The following CACNA2D3 variants were observed in gnomAD, a reference collection of about 807,000 sequenced individuals.
The protein encoded by CACNA2D3 is calcium voltage-gated channel auxiliary subunit alpha2delta 3, also known as voltage-dependent calcium channel subunit alpha-2/delta-3.
In CACNA2D3, 60 loss-of-function variants were observed where a neutral mutation model predicts 160.6. That is an observed-to-expected ratio of 0.37 (90% CI 0.30 to 0.46). CACNA2D3 has a LOEUF of 0.46. Among genes scored for constraint, CACNA2D3 ranks in the 20% least tolerant of loss-of-function variants. The pLI, the probability that CACNA2D3 is intolerant of heterozygous loss-of-function variation, is 1.00. For missense variants in CACNA2D3, 1,205 were observed against 1,365.0 expected (o/e 0.88, Z 1.85); for synonymous variants, 558 against 492.9 (o/e 1.13, Z -1.75).
intron 2 of CACNA2D3, among the ~76,000 whole-genome samples, chr3:54,163,267 G>A (rs1424773432): frequency 6.6e-6 from 1 of 152,130 alleles, no homozygotes; most frequent in Non-Finnish European, 1.5e-5. Flanking sequence ...AGCTAATTGT[G>A]GTAAGTACTG....
At chr3:54,627,733 G>T in intron 9 of CACNA2D3, 54 bp from the exon 10 acceptor site, 1 of 1,035,540 alleles carries the variant, frequency 9.7e-7, no homozygotes, top group Non-Finnish European at 1.5e-6. Flanking sequence ...ATTCAAGGTT[G>T]GTGTTTCACA....
intron 16 of CACNA2D3, among the ~76,000 whole-genome samples, chr3:54,843,111 G>A (rs1317249054): frequency 6.6e-5 from 10 of 150,556 alleles, no homozygotes; most frequent in Non-Finnish European, 1.0e-4. Context: ...ACAGGTGCCC[G>A]CCACCATGCC....
At chr3:54,181,229 A>T (rs1010895416) in intron 2 of CACNA2D3, among the ~76,000 whole-genome samples, 1 of 152,232 alleles carries the variant, frequency 6.6e-6, no homozygotes, top group Non-Finnish European at 1.5e-5. Flanking sequence ...AAATTGAGCT[A>T]TGGTGATGAA....
At chr3:54,909,558 C>G (rs1317562645) in intron 27 of CACNA2D3, among the ~76,000 whole-genome samples, 1 of 152,034 alleles carries the variant, frequency 6.6e-6, no homozygotes, top group East Asian at 1.9e-4. Context: ...CTTGTCCAAC[C>G]TGCAGCCCAT....
At chr3:54,400,533 C>G (rs185679989) in intron 4 of CACNA2D3, among the ~76,000 whole-genome samples, 2 of 152,250 alleles carry the variant, frequency 1.3e-5, no homozygotes, top group African/African-American at 2.4e-5. Flanking sequence ...AGGAGGACAT[C>G]AAAAGTCCTT....
chr3:54,742,606 A>G (rs1484974871), intron 11 of CACNA2D3, among the ~76,000 whole-genome samples: 1 of 152,106 alleles, frequency 6.6e-6, no homozygotes, highest in Non-Finnish European at 1.5e-5. Flanking sequence ...CCGTCTGTCC[A>G]CTGTTACAAA....
intron 4 of CACNA2D3, among the ~76,000 whole-genome samples, chr3:54,498,304 C>T (rs1170685797): frequency 6.6e-6 from 1 of 151,552 alleles, no homozygotes; most frequent in Non-Finnish European, 1.5e-5. Flanking sequence ...CTTCTTGTGT[C>T]CATTTTGATA....
intron 2 of CACNA2D3, among the ~76,000 whole-genome samples, chr3:54,196,386 G>A (rs1175623443): frequency 6.6e-6 from 1 of 152,194 alleles, no homozygotes; most frequent in Non-Finnish European, 1.5e-5. Context: ...CAGGAGGGCA[G>A]TGAGTTCTGG....
At chr3:54,405,635 A>C (rs1251533806) in intron 4 of CACNA2D3, among the ~76,000 whole-genome samples, 2 of 152,104 alleles carry the variant, frequency 1.3e-5, no homozygotes, top group Non-Finnish European at 1.5e-5. Flanking sequence ...TATAGGGGGT[A>C]AACTCCTTGA....
chr3:55,027,618 T>C (rs1411908295), intron 35 of CACNA2D3, among the ~76,000 whole-genome samples: 1 of 152,170 alleles, frequency 6.6e-6, no homozygotes, highest in Non-Finnish European at 1.5e-5. Flanking sequence ...AATTACTAAT[T>C]TTTGACCAAC....
intron 2 of CACNA2D3, among the ~76,000 whole-genome samples, chr3:54,139,896 A>T (rs987799235): frequency 7.2e-5 from 11 of 152,214 alleles, no homozygotes; most frequent in Admixed American, 6.5e-4. Context: ...CATCTCAGGA[A>T]CACTGGCTGC....
chr3:54,768,630 C>T (rs1214041507), intron 13 of CACNA2D3, among the ~76,000 whole-genome samples: 1 of 152,154 alleles, frequency 6.6e-6, no homozygotes, highest in East Asian at 1.9e-4. Context: ...TTATCTTAAA[C>T]ATTTGCACAA....
chr3:55,063,782 T>C (rs1323958107), intron 35 of CACNA2D3, among the ~76,000 whole-genome samples: 1 of 152,142 alleles, frequency 6.6e-6, no homozygotes, highest in Non-Finnish European at 1.5e-5. Context: ...GTGTCAGCCT[T>C]GCACTTGGGA....
chr3:54,554,040 C>T (rs1274216918), intron 5 of CACNA2D3, among the ~76,000 whole-genome samples: 1 of 152,182 alleles, frequency 6.6e-6, no homozygotes. Context: ...GTACCTCTCG[C>T]CAAGACACCA....
At chr3:54,280,619 G>A (rs550266326) in intron 2 of CACNA2D3, among the ~76,000 whole-genome samples, 10 of 152,184 alleles carry the variant, frequency 6.6e-5, no homozygotes, top group East Asian at 1.9e-4. Context: ...TTGATTCCCC[G>A]CCACAGTTTG....
intron 11 of CACNA2D3, among the ~76,000 whole-genome samples, chr3:54,684,717 G>A (rs1324961568): frequency 3.3e-5 from 5 of 150,912 alleles, no homozygotes; most frequent in South Asian, 2.1e-4. Context: ...AGGAGACAGC[G>A]TACAAAATTA....
At chr3:54,290,296 G>A (rs896304546) in intron 2 of CACNA2D3, among the ~76,000 whole-genome samples, 3 of 152,120 alleles carry the variant, frequency 2.0e-5, no homozygotes, top group African/African-American at 4.8e-5. Context: ...CAGCCAAAAA[G>A]CACATGAAGA....
chr3:54,171,136 C>CTTTTTT (rs57761171), intron 2 of CACNA2D3, among the ~76,000 whole-genome samples: 3,334 of 62,292 alleles, frequency 0.054, 704 homozygotes, highest in Non-Finnish European at 0.062. Flanking sequence ...AAGATGATGA[C>CTTTTTT]TTTTTTTTTT....
chr3:54,668,934 C>T (rs1700113866), intron 11 of CACNA2D3, among the ~76,000 whole-genome samples: 1 of 152,226 alleles, frequency 6.6e-6, no homozygotes, highest in Non-Finnish European at 1.5e-5. Flanking sequence ...GTTCCTATTA[C>T]TCAGTGGAAC....
Sources: allele counts gnomAD v4.1 joint callset (sites outside exome capture counted in the v4.1 genomes callset), GRCh38; gene constraint gnomAD v4.1.1; transcripts MANE v1.5; gene names NCBI Gene and HGNC (gene_info 2026-07-23, HGNC 2026-07-21).